The following ACAA2 variants were observed in gnomAD, a reference collection of about 807,000 sequenced individuals.
ACAA2 encodes 3-ketoacyl-CoA thiolase, mitochondrial.
Under a neutral mutation model 44.8 loss-of-function variants are expected in ACAA2, and 35 were observed. The ratio of observed to expected loss-of-function variants is 0.78; its 90% CI spans 0.60 to 1.04. The LOEUF is 1.04. ACAA2 is among the 50% of genes least tolerant of loss of function. The pLI, the probability that ACAA2 is intolerant of heterozygous loss-of-function variation, is 0.00. For missense variants in ACAA2, 468 were observed against 482.6 expected (o/e 0.97, Z 0.28); for synonymous variants, 142 against 166.5 (o/e 0.85, Z 1.13).
At chr18:49,792,691 C>G (rs1370005775) in intron 5 of ACAA2, among the ~76,000 whole-genome samples, 1 of 152,084 alleles carries the variant, frequency 6.6e-6, no homozygotes, top group African/African-American at 2.4e-5. Flanking sequence ...CGTGATCCAC[C>G]CTCCTTGACC....
rs567770296 is a variant in ACAA2, at chr18:49,792,840, A to C, written c.578-513T>G. On this transcript the variant is annotated intron_variant, in intron 5 of 9. Transcript: ENST00000285093. ...ATGTAGTTGCATTTTGCATCTTTTA[A>C]AAATTATAGAGTCTTTACTATTTAC... 2.1e-4 allele frequency among the ~76,000 whole-genome samples: 32 copies of C among 152,198 alleles called. No homozygotes were observed. The East Asian group carries it at 6.0e-3, about 28-fold the overall frequency.
intron 1 of ACAA2, chr18:49,811,435 CAGT>C (rs2023668646): frequency 6.6e-6 from 1 of 152,122 alleles, no homozygotes; most frequent in Non-Finnish European, 1.5e-5. Context: ...AAGCTAGGAG[CAGT>C]AGGAGAGCTA....
intron 1 of ACAA2, among the ~76,000 whole-genome samples, chr18:49,805,797 C>T (rs868862310): frequency 1.3e-5 from 2 of 149,612 alleles, no homozygotes; most frequent in Admixed American, 6.7e-5. Context: ...TGCTATGTTT[C>T]CCAGGCTGGT....
intron 1 of ACAA2, among the ~76,000 whole-genome samples, chr18:49,803,672 A>G (rs2023582127): frequency 6.6e-6 from 1 of 152,208 alleles, no homozygotes; most frequent in Non-Finnish European, 1.5e-5. Flanking sequence ...GTTGAGAACT[A>G]AAATCCTTCT....
intron 4 of ACAA2, among the ~76,000 whole-genome samples, chr18:49,795,293 T>G (rs1389705724): frequency 2.0e-5 from 3 of 152,222 alleles, no homozygotes; most frequent in Non-Finnish European, 4.4e-5. Flanking sequence ...AGTTTTTGTT[T>G]GATTTGGGAC....
intron 2 of ACAA2, among the ~76,000 whole-genome samples, chr18:49,802,201 T>C (rs967028815): frequency 2.0e-5 from 3 of 152,196 alleles, no homozygotes; most frequent in Non-Finnish European, 2.9e-5. Flanking sequence ...CTAGAACATA[T>C]GATGCTTTGA....
chr18:49,800,084 G>A (rs1434518461), intron 2 of ACAA2, among the ~76,000 whole-genome samples: 1 of 149,860 alleles, frequency 6.7e-6, no homozygotes, highest in Non-Finnish European at 1.5e-5. Context: ...GGAGGGAGGT[G>A]GGGGTCAGCC....
At chr18:49,794,879 A>G (rs2023448183) in intron 4 of ACAA2, among the ~76,000 whole-genome samples, 1 of 152,186 alleles carries the variant, frequency 6.6e-6, no homozygotes, top group South Asian at 2.1e-4. Flanking sequence ...AGTGACAGGA[A>G]TAGCTGGTTC....
At chr18:49,811,382 C>T (rs554394763) in intron 1 of ACAA2, 1 of 152,206 alleles carries the variant, frequency 6.6e-6, no homozygotes, top group East Asian at 1.9e-4. Flanking sequence ...AATTTAGCAG[C>T]CCTGTCTACT....
intron 4 of ACAA2, among the ~76,000 whole-genome samples, chr18:49,795,206 G>C (rs1192886574): frequency 1.3e-5 from 2 of 152,138 alleles, no homozygotes; most frequent in African/African-American, 4.8e-5. Context: ...TTTCACATGG[G>C]AATGAGAAGA....
At chr18:49,805,532 C>T (rs1439250063) in intron 1 of ACAA2, among the ~76,000 whole-genome samples, 1 of 152,006 alleles carries the variant, frequency 6.6e-6, no homozygotes, top group Non-Finnish European at 1.5e-5. Context: ...TTTCATCCTC[C>T]TTCCTTAACA....
rs1568586234 is a variant in ACAA2, at chr18:49,792,222, GT to G, written c.682del (p.Thr228ProfsTer26). On this transcript the variant is annotated frameshift_variant, in exon 6 of 10. Transcript: ENST00000285093. LOFTEE classifies it high-confidence loss of function. The stretch of plus-strand genomic sequence containing the variant: ...AGGAAGTTTCTGTAACTGTTCCAGG[GT>G]GGTTTGGGGCCGAGCATGCTCGTCT... ...QVDEHARPQT[T>X]LEQLQKLPPV... 1 of 1,614,038 alleles carries G rather than the reference GT, an allele frequency of 6.2e-7. No individual in the cohort carries two copies. Among genetic ancestry groups the G allele is most frequent in the Admixed American group, 1.7e-5 (1 of 60,020 alleles).
At position 49,795,814 on chromosome 18, in the gene ACAA2, T is replaced by C. The variant is rs757248601; in HGVS notation, c.380A>G (p.Tyr127Cys). 3 of 1,612,218 alleles carry C rather than the reference T, an allele frequency of 1.9e-6. No individual in the cohort carries two copies. The highest frequency in any genetic ancestry group is 2.5e-6 in the Non-Finnish European group (3 of 1,179,056). ...GGTESMSQAP[Y>C]CVRNVRFGTK... ...TCCAAAACGCACATTTCTGACACAG[T>C]AGGGAGCTTGGCTCATGCTTTCGGT... Residue 127 changes from tyrosine to cysteine, a missense_variant, in exon 4 of 10, where the codon TAC becomes TGC. Transcript: ENST00000285093.
intron 1 of ACAA2, chr18:49,812,600 C>T (rs910890442): frequency 6.6e-6 from 1 of 152,178 alleles, no homozygotes; most frequent in South Asian, 2.1e-4. Context: ...ACAATAGATC[C>T]TTAAATGGTC....
chr18:49,791,619 G>C lies in ACAA2; in HGVS notation c.754-20C>G. On this transcript the variant is annotated intron_variant, in intron 6 of 9. Transcript: ENST00000285093. The stretch of plus-strand genomic sequence containing the variant: ...TACACCCTTGAAAATAAAAATACTA[G>C]ATTAACTAAAGGCTAAAATAATCCA... The C allele has an allele frequency of 1.2e-6, 2 of 1,610,424 alleles. No homozygotes were observed. Among genetic ancestry groups the C allele is most frequent in the Non-Finnish European group, 1.7e-6 (2 of 1,177,876 alleles).
rs1437289732 is a variant in ACAA2 at position 49,782,368 on chromosome 18, A to T, written c.*1479T>A. 6.6e-6 allele frequency: 1 copy of T among 152,082 alleles called. No homozygotes were observed. The highest frequency in any genetic ancestry group is 1.5e-5 in the Non-Finnish European group (1 of 68,032). The allele number at this position is 152,082 out of a possible 1,614,324, so 9.4% of individuals were successfully genotyped here. A position where few individuals can be genotyped will look rare whatever the true frequency, so the allele number is the denominator to read the frequency against. On this transcript the variant is annotated 3_prime_UTR_variant, in exon 10 of 10. Transcript: ENST00000285093. ...CTCTCTATGACAGAAAGGGGGATGT[A>T]TGTGCCACTTCAGCTTTTTAATCAA... is the stretch of plus-strand genomic sequence containing the variant.
intron 7 of ACAA2, among the ~76,000 whole-genome samples, chr18:49,789,925 C>A (rs1475742422): frequency 6.6e-6 from 1 of 151,166 alleles, no homozygotes; most frequent in Non-Finnish European, 1.5e-5. Context: ...GCACTCCAGC[C>A]TGGGTGACAA....
intron 1 of ACAA2, among the ~76,000 whole-genome samples, chr18:49,807,565 C>G (rs1004693770): frequency 6.6e-6 from 1 of 152,138 alleles, no homozygotes; most frequent in Non-Finnish European, 1.5e-5. Flanking sequence ...TGTGCAGTGG[C>G]TCATGCCTAT....
rs575989676 is a variant in ACAA2 at position 49,812,405 on chromosome 18, C to T, written c.16+1064G>A. 9.2e-5 allele frequency among the ~76,000 whole-genome samples: 14 copies of T among 152,268 alleles called. No homozygotes were observed. In the South Asian group the frequency reaches 2.7e-3, roughly 29 times the overall value. Reference sequence around the variant, plus strand: ...CTGTAAAGTGGCATCATCATGAACACGGTTCATCAAACCAGACACTTTTCA... The same window carrying T: ...CTGTAAAGTGGCATCATCATGAACATGGTTCATCAAACCAGACACTTTTCA... On this transcript the variant is annotated intron_variant, in intron 1 of 9. Coordinates refer to ENST00000285093, the MANE Select transcript of ACAA2 (RefSeq NM_006111.3).
Sources: gnomAD v4.1 joint callset for allele counts (sites outside exome capture counted in the v4.1 genomes callset) on GRCh38, gnomAD v4.1.1 for gene constraint, MANE v1.5 for transcripts, NCBI Gene and HGNC (gene_info 2026-07-23, HGNC 2026-07-21) for gene names.